Variants in MAD1L1 observed in about 807,000 individuals in gnomAD.
The protein encoded by MAD1L1 is mitotic arrest deficient 1 like 1.
A neutral mutation model predicts 96.9 loss-of-function variants in MAD1L1; 95 were observed. That is an observed-to-expected ratio of 0.98 (90% CI 0.83 to 1.16). The LOEUF (loss-of-function observed/expected upper bound fraction) is 1.16. MAD1L1 is among the 50% of genes most tolerant of loss of function. MAD1L1 has a pLI of 0.00. For missense variants in MAD1L1, 1,007 were observed against 954.4 expected (o/e 1.06, Z -0.73); for synonymous variants, 473 against 396.6 (o/e 1.19, Z -2.29).
At chr7:2,122,147 C>A (rs966646952) in intron 11 of MAD1L1, among the ~76,000 whole-genome samples, 12 of 152,210 alleles carry the variant, frequency 7.9e-5, no homozygotes, top group African/African-American at 2.9e-4. Context: ...AAAGCCATCA[C>A]CAAGAGAGGT....
At chr7:2,041,883 T>C (rs1783689806) in intron 12 of MAD1L1, among the ~76,000 whole-genome samples, 1 of 152,194 alleles carries the variant, frequency 6.6e-6, no homozygotes, top group Non-Finnish European at 1.5e-5. Flanking sequence ...TGCTTTGGCC[T>C]GGCCACGCTG....
At position 1,938,648 on chromosome 7, in the gene MAD1L1, CAT is replaced by C. The variant is rs148977135; in HGVS notation, c.1597-1753_1597-1752del. On this transcript the variant is annotated intron_variant, in intron 16 of 18. Coordinates refer to ENST00000265854, the MANE Select transcript of MAD1L1 (RefSeq NM_001013836.2). ...CAACCCACTCTAAAAATCTGCAAAA[CAT>C]GTGAGCAGACACTTCCCAAAAAGAC... Among the ~76,000 whole-genome samples, 11 of 152,306 alleles carry C rather than the reference CAT, an allele frequency of 7.2e-5. No individual in the cohort carries two copies. In the East Asian group the frequency reaches 9.6e-4, roughly 13 times the overall value.
At chr7:2,105,651 T>C (rs1787050098) in intron 11 of MAD1L1, among the ~76,000 whole-genome samples, 1 of 152,152 alleles carries the variant, frequency 6.6e-6, no homozygotes, top group East Asian at 1.9e-4. Flanking sequence ...TGAGGGAAAA[T>C]GGGGCCTCTC....
intron 11 of MAD1L1, among the ~76,000 whole-genome samples, chr7:2,130,961 T>C (rs913793779): frequency 6.6e-6 from 1 of 152,188 alleles, no homozygotes; most frequent in Admixed American, 6.5e-5. Flanking sequence ...TTCCCTAAAC[T>C]TGTCTACATG....
intron 10 of MAD1L1, among the ~76,000 whole-genome samples, chr7:2,203,320 C>T (rs974028876): frequency 1.3e-5 from 2 of 152,224 alleles, no homozygotes; most frequent in African/African-American, 2.4e-5. Flanking sequence ...TTTGAAGATG[C>T]CTGCTCTCCT....
intron 18 of MAD1L1, among the ~76,000 whole-genome samples, chr7:1,878,955 A>G (rs1275737763): frequency 2.0e-5 from 3 of 152,238 alleles, no homozygotes; most frequent in Admixed American, 6.5e-5. Context: ...ACCAATATAT[A>G]AAAGTCAATT....
At chr7:1,981,214 G>A (rs553323392) in intron 14 of MAD1L1, among the ~76,000 whole-genome samples, 1 of 152,170 alleles carries the variant, frequency 6.6e-6, no homozygotes, top group Non-Finnish European at 1.5e-5. Context: ...TGATTCACCC[G>A]CCTCCGCCTC....
chr7:1,918,728 A>C (rs1788579767), intron 17 of MAD1L1, among the ~76,000 whole-genome samples: 1 of 152,234 alleles, frequency 6.6e-6, no homozygotes, highest in Admixed American at 6.5e-5. Flanking sequence ...AGGGTGTTTA[A>C]CTGGAGTGCC....
intron 18 of MAD1L1, among the ~76,000 whole-genome samples, chr7:1,868,173 C>T (rs1449778627): frequency 1.3e-5 from 2 of 152,202 alleles, no homozygotes; most frequent in East Asian, 1.9e-4. Context: ...CTCCTGACCC[C>T]ACAGTGGCCC....
chr7:1,916,149 C>G (rs1350406849), intron 17 of MAD1L1, among the ~76,000 whole-genome samples: 2 of 152,166 alleles, frequency 1.3e-5, no homozygotes, highest in Non-Finnish European at 2.9e-5. Flanking sequence ...GCCACCAACA[C>G]CGGGAGGGTG....
At chr7:1,888,128 G>A (rs1198113439) in intron 18 of MAD1L1, among the ~76,000 whole-genome samples, 5 of 149,786 alleles carry the variant, frequency 3.3e-5, no homozygotes, top group African/African-American at 1.2e-4. Flanking sequence ...TGTGAGCATT[G>A]TGTGCATGTG....
chr7:1,894,190 G>A (rs1427386420), intron 18 of MAD1L1, among the ~76,000 whole-genome samples: 3 of 152,212 alleles, frequency 2.0e-5, no homozygotes, highest in Admixed American at 6.5e-5. Context: ...CAGAGCTCCT[G>A]CCAGAAGACT....
intron 14 of MAD1L1, among the ~76,000 whole-genome samples, chr7:1,993,902 G>A (rs1303467413): frequency 1.3e-5 from 2 of 152,232 alleles, no homozygotes; most frequent in African/African-American, 2.4e-5. Flanking sequence ...GGCTAACGCT[G>A]GAGCCCCAGA....
At chr7:1,879,448 TTCA>T (rs2128662851) in intron 18 of MAD1L1, among the ~76,000 whole-genome samples, 1 of 112,000 alleles carries the variant, frequency 8.9e-6, no homozygotes, top group South Asian at 3.5e-4. Flanking sequence ...AGAGTGAGAC[TTCA>T]TCTCCAAAAA....
intron 11 of MAD1L1, among the ~76,000 whole-genome samples, chr7:2,148,162 G>C (rs1451635837): frequency 6.6e-6 from 1 of 152,184 alleles, no homozygotes; most frequent in Non-Finnish European, 1.5e-5. Flanking sequence ...TTTTCAAAGT[G>C]ACATCAGCCC....
intron 11 of MAD1L1, among the ~76,000 whole-genome samples, chr7:2,108,691 T>C (rs570345124): frequency 2.0e-5 from 3 of 152,182 alleles, no homozygotes; most frequent in African/African-American, 7.2e-5. Flanking sequence ...CAGAGGGGGT[T>C]TCACTCTGGC....
chr7:1,980,183 C>T (rs903731179), intron 15 of MAD1L1, among the ~76,000 whole-genome samples: 7 of 152,056 alleles, frequency 4.6e-5, no homozygotes, highest in African/African-American at 1.7e-4. Flanking sequence ...CCTGAGCGTG[C>T]GCACCTCCCC....
intron 10 of MAD1L1, among the ~76,000 whole-genome samples, chr7:2,187,654 A>T (rs62442473): frequency 0.14 from 22,000 of 152,142 alleles, 1,796 homozygotes; most frequent in Middle Eastern, 0.27. Context: ...TTAAATCTTA[A>T]CCCCTTGATA....
At chr7:1,860,773 A>G (rs984363437) in intron 18 of MAD1L1, among the ~76,000 whole-genome samples, 1 of 152,196 alleles carries the variant, frequency 6.6e-6, no homozygotes, top group Admixed American at 6.5e-5. Context: ...GATTCTCTGA[A>G]GTGCTCTCTC....
Sources: allele counts gnomAD v4.1 joint callset (sites outside exome capture counted in the v4.1 genomes callset), GRCh38; gene constraint gnomAD v4.1.1; transcripts MANE v1.5; gene names NCBI Gene and HGNC (gene_info 2026-07-23, HGNC 2026-07-21).